Variants in TTC39C observed in about 807,000 individuals in gnomAD.
The protein encoded by TTC39C is tetratricopeptide repeat domain 39C.
In TTC39C, 33 loss-of-function variants were observed where a neutral mutation model predicts 76.3. The observed-to-expected ratio is 0.43, with a 90% CI of 0.33 to 0.58. TTC39C has a LOEUF of 0.58. TTC39C is among the 20% of genes least tolerant of loss of function. TTC39C has a pLI of 0.04. For synonymous variants in TTC39C, 254 were observed against 260.6 expected (o/e 0.97, Z 0.24); for missense variants, 595 against 701.4 (o/e 0.85, Z 1.71).
At chr18:24,023,767 A>G (rs928548052) in intron 1 of TTC39C, among the ~76,000 whole-genome samples, 1 of 151,418 alleles carries the variant, frequency 6.6e-6, no homozygotes. Context: ...GAAGCTTGCT[A>G]GAGCAGTGAC....
rs150018581 is a variant in TTC39C at position 24,123,717 on chromosome 18, T to C, written c.1187-117T>C. 909 of 689,320 alleles carry C rather than the reference T, an allele frequency of 1.3e-3. 7 individuals carry two copies. In the African/African-American group the frequency reaches 0.015, roughly 12 times the overall value. The allele number at this position is 689,320 out of a possible 1,614,324, so 42.7% of individuals were successfully genotyped here. On this transcript the variant is annotated intron_variant, in intron 8 of 13. Transcript: ENST00000317571. Reference sequence around the variant, plus strand: ...CCACCATGTCCAGCCCATTGTGGAATAGTCTTTAAACATATTTGCTCCTGC... The same window carrying C: ...CCACCATGTCCAGCCCATTGTGGAACAGTCTTTAAACATATTTGCTCCTGC...
chr18:24,118,691 T>C (rs891357924), intron 8 of TTC39C, among the ~76,000 whole-genome samples: 9 of 152,020 alleles, frequency 5.9e-5, no homozygotes, highest in African/African-American at 2.2e-4. Context: ...CTTGCTCTTT[T>C]TGCCAGGTTG....
Position 24,006,521 on chromosome 18 carries a change from G to A in TTC39C, c.-17+13483G>A, listed in dbSNP as rs1303980149. ...ATGGACGTGAAAGTAATCAAAAACA[G>A]TGATTATCTGTCTTCATTGACCAGC... On this transcript the variant is annotated intron_variant, in intron 1 of 13. Coordinates refer to the TTC39C transcript ENST00000304621. 5 of 123,870 alleles carry A rather than the reference G, an allele frequency of 4.0e-5. No homozygotes were observed. In the Admixed American group the frequency reaches 5.5e-4, roughly 14 times the overall value. 7.7% of individuals were successfully genotyped at this position (123,870 alleles called of 1,614,324 possible). A position where few individuals can be genotyped will look rare whatever the true frequency, so the allele number is the denominator to read the frequency against.
chr18:24,101,119 G>C (rs34260508), intron 6 of TTC39C, among the ~76,000 whole-genome samples: 19,250 of 151,992 alleles, frequency 0.13, 1,493 homozygotes, highest in East Asian at 0.17. Flanking sequence ...TAGATAATTT[G>C]TGAGATCTCT....
intron 1 of TTC39C, among the ~76,000 whole-genome samples, chr18:24,053,506 C>T (rs2083978574): frequency 6.6e-6 from 1 of 152,218 alleles, no homozygotes; most frequent in African/African-American, 2.4e-5. Context: ...GCTGCAACAT[C>T]TTTGAATTAA....
intron 8 of TTC39C, among the ~76,000 whole-genome samples, chr18:24,119,529 C>T (rs866000848): frequency 9.2e-5 from 14 of 152,220 alleles, no homozygotes; most frequent in Middle Eastern, 3.4e-3. Flanking sequence ...TCTTAAATTC[C>T]CTATAAAATT....
intron 6 of TTC39C, among the ~76,000 whole-genome samples, chr18:24,109,207 AT>A (rs2084782481): frequency 6.7e-6 from 1 of 148,720 alleles, no homozygotes; most frequent in African/African-American, 2.5e-5. Context: ...AAGTTAAAAA[AT>A]TAGCCAGATT....
At position 24,125,509 on chromosome 18, in the gene TTC39C, T is replaced by C. The variant is rs915986139; in HGVS notation, c.1379T>C (p.Leu460Pro). 1.9e-6 allele frequency: 3 copies of C among 1,614,234 alleles called. No homozygotes were observed. Among genetic ancestry groups the C allele is most frequent in the East Asian group, 2.2e-5 (1 of 44,882 alleles). ...GAAGTGTTGTACTTGTGGAAAGCTC[T>C]TCCAAACTGTTCCTTCCCCAACCTG... Reference protein sequence around the residue: ...SIEVLYLWKALPNCSFPNLQR... With the variant: ...SIEVLYLWKAPPNCSFPNLQR... The change falls in exon 10 of 14, where the codon CTT (leucine) becomes CCT (proline). Residue 460 changes from leucine to proline, a missense_variant. Coordinates refer to ENST00000317571, the MANE Select transcript of TTC39C (RefSeq NM_001135993.2).
chr18:24,071,343 C>T, intron 4 of TTC39C, among the ~76,000 whole-genome samples: 1 of 152,232 alleles, frequency 6.6e-6, no homozygotes, highest in Non-Finnish European at 1.5e-5. Context: ...CAAACACAGG[C>T]CTAGTCCCTG....
chr18:24,028,870 A>C (rs190454106), intron 1 of TTC39C, among the ~76,000 whole-genome samples: 4 of 148,070 alleles, frequency 2.7e-5, no homozygotes, highest in African/African-American at 1.0e-4. Flanking sequence ...CTACAGGCAC[A>C]TGCCACCACG....
intron 1 of TTC39C, chr18:24,006,259 C>G (rs960443822): frequency 1.3e-5 from 2 of 152,136 alleles, no homozygotes; most frequent in Admixed American, 1.3e-4. Flanking sequence ...GTGATCCACC[C>G]ACCGTGGCCT....
intron 4 of TTC39C, among the ~76,000 whole-genome samples, chr18:24,076,327 G>A (rs59824856): frequency 0.073 from 11,042 of 152,190 alleles, 996 homozygotes; most frequent in African/African-American, 0.22. Context: ...CAGACACAGC[G>A]ATAACGACAG....
chr18:24,097,461 T>C (rs2084604705), intron 6 of TTC39C, among the ~76,000 whole-genome samples: 1 of 152,230 alleles, frequency 6.6e-6, no homozygotes, highest in Non-Finnish European at 1.5e-5. Context: ...GCTGTGCCCA[T>C]GTCTGCAGCT....
intron 1 of TTC39C, among the ~76,000 whole-genome samples, chr18:24,045,337 AGG>A (rs1441969151): frequency 6.6e-6 from 1 of 150,726 alleles, no homozygotes; most frequent in African/African-American, 2.4e-5. Context: ...CATTGTAACA[AGG>A]GGGCCAGGGG....
chr18:24,119,136 T>C (rs2084935422), intron 8 of TTC39C, among the ~76,000 whole-genome samples: 2 of 152,212 alleles, frequency 1.3e-5, no homozygotes, highest in South Asian at 2.1e-4. Context: ...TTAAGTGTTT[T>C]TTTGCCCATG....
chr18:23,993,930 A>G (rs1298857871), intron 1 of TTC39C, among the ~76,000 whole-genome samples: 2 of 152,236 alleles, frequency 1.3e-5, no homozygotes, highest in Non-Finnish European at 2.9e-5. Context: ...TTCATATGAC[A>G]TCACCAACAA....
chr18:24,113,218 A>G (rs1477949144), intron 6 of TTC39C: 1 of 230,886 alleles, frequency 4.3e-6, no homozygotes, highest in Non-Finnish European at 8.5e-6. Flanking sequence ...ACTTTGGGGC[A>G]TGAACAGTTA....
rs1254925687 is a variant in TTC39C at position 24,128,945 on chromosome 18, A to G, written c.1480A>G (p.Ile494Val). ...ATTAAAGTATTTGCTTCTTGGTGCC[A>G]TACACAAATGTCTAGGAAACTCAGA... ...VGLKYLLLGA[I>V]HKCLGNSEDA... is the part of the protein sequence containing the mutation. The change falls in exon 11 of 14, where the codon ATA (isoleucine) becomes GTA (valine). Residue 494 changes from isoleucine (I) to valine (V), a missense_variant. By Grantham distance (29) the Ile-to-Val change is conservative. Transcript: ENST00000317571. 1.2e-6 allele frequency: 2 copies of G among 1,613,756 alleles called. No homozygotes were observed. Among genetic ancestry groups the G allele is most frequent in the African/African-American group, 1.3e-5 (1 of 75,052 alleles).
At chr18:24,062,498 C>G (rs1481328990) in intron 1 of TTC39C, among the ~76,000 whole-genome samples, 1 of 152,158 alleles carries the variant, frequency 6.6e-6, no homozygotes, top group Admixed American at 6.5e-5. Flanking sequence ...ATGAGAAAAA[C>G]TAATGTGTAT....
Sources: gnomAD v4.1 joint callset for allele counts (sites outside exome capture counted in the v4.1 genomes callset) on GRCh38, gnomAD v4.1.1 for gene constraint, MANE v1.5 for transcripts, NCBI Gene and HGNC (gene_info 2026-07-23, HGNC 2026-07-21) for gene names.